Variants in SHC2 observed in about 807,000 individuals in gnomAD.
SHC2 encodes the protein SHC-transforming protein 2.
Under a neutral mutation model 60.6 loss-of-function variants are expected in SHC2, and 62 were observed. The observed-to-expected ratio is 1.02, with a 90% CI of 0.83 to 1.26. The LOEUF (loss-of-function observed/expected upper bound fraction) is 1.26. Ranked by LOEUF, SHC2 falls within the 50% of genes most tolerant of loss-of-function variation. The pLI, the probability that SHC2 is intolerant of heterozygous loss-of-function variation, is 0.00. For synonymous variants in SHC2, 375 were observed against 372.4 expected, an observed-to-expected ratio of 1.01 and a Z score of -0.08; for missense variants, 873 against 822.2, an observed-to-expected ratio of 1.06 and a Z score of -0.76.
Position 434,784 on chromosome 19 carries a change from C to T in SHC2, c.1035G>A (p.Lys345=). 6.2e-7 allele frequency: 1 copy of T among 1,612,878 alleles called. No individual in the cohort carries two copies. Residue 345 remains lysine (K), a synonymous_variant, in exon 8 of 13, where the codon AAG becomes AAA. Coordinates refer to ENST00000264554, the MANE Select transcript of SHC2 (RefSeq NM_012435.3). ...EHNYYNSIPG[K]EPPLGGLVDS... ...CCACTAGCCCGCCCAGCGGCGGCTC[C>T]TTCCCCGGGATGCTGTTGTAGTAAT...
In SHC2 at chr19:446,948, G is replaced by A. The variant is rs368808448; in HGVS notation, c.469-6016C>T. ...TCCGCCACCGCCCACGCCAGCCACC[G>A]GGACCCACCTCATAGGCTTTGCCAT... On this transcript the variant is annotated intron_variant, in intron 1 of 12. Transcript: ENST00000264554. The surrounding 1 kb of genome is among the most constrained non-coding windows in gnomAD (Gnocchi z 5.4). Among the ~76,000 whole-genome samples the A allele has an allele frequency of 6.6e-5, 10 of 152,162 alleles. No individual in the cohort carries two copies. Among genetic ancestry groups the A allele is most frequent in the African/African-American group, 1.9e-4 (8 of 41,436 alleles).
intron 1 of SHC2, among the ~76,000 whole-genome samples, chr19:443,914 G>GTGGA (rs1203952277): frequency 5.7e-5 from 8 of 139,700 alleles, no homozygotes; most frequent in Non-Finnish European, 1.2e-4. Flanking sequence ...GGATGGGTGG[G>GTGGA]TGGATGGATG....
chr19:428,736 G>T lies in SHC2; in HGVS notation c.1174+1948C>A, dbSNP rs1362453992. Among the ~76,000 whole-genome samples, 3 of 152,316 alleles carry T rather than the reference G, an allele frequency of 2.0e-5. No homozygotes were observed. The East Asian group carries it at 5.8e-4, about 29-fold the overall frequency. ...TAAACTCCATGATGTTTTGAACCATGTGGACGAATGCAGTACCTATATCCA... is the reference window on the plus strand; with the variant it reads ...TAAACTCCATGATGTTTTGAACCATTTGGACGAATGCAGTACCTATATCCA... On this transcript the variant is annotated intron_variant, in intron 9 of 12. Coordinates refer to ENST00000264554, the MANE Select transcript of SHC2 (RefSeq NM_012435.3).
In SHC2 at chr19:430,681, T is replaced by C; in HGVS notation, c.1174+3A>G. 1 of 1,612,698 alleles carries C rather than the reference T, an allele frequency of 6.2e-7. No individual in the cohort carries two copies. The highest frequency in any genetic ancestry group is 8.5e-7 in the Non-Finnish European group (1 of 1,179,666). On this transcript the variant is annotated splice_donor_region_variant and intron_variant, in intron 9 of 12. Transcript: ENST00000264554. Reference sequence around the variant, plus strand: ...TACCCCTTGCAGCCCCAGCCCATCCTACCTGTACCGGTGGACCCCACGTCC... The same window carrying C: ...TACCCCTTGCAGCCCCAGCCCATCCCACCTGTACCGGTGGACCCCACGTCC...
chr19:447,952 A>G (rs1298867592), intron 1 of SHC2, among the ~76,000 whole-genome samples: 3 of 152,236 alleles, frequency 2.0e-5, no homozygotes, highest in African/African-American at 7.2e-5. Flanking sequence ...GCTGGGAGCC[A>G]GGATGTCTGC....
chr19:431,034 T>C (rs892948721), intron 8 of SHC2, among the ~76,000 whole-genome samples: 7 of 152,184 alleles, frequency 4.6e-5, no homozygotes, highest in Non-Finnish European at 1.0e-4. Context: ...CCCGCTCTGC[T>C]CTCCCAGGCA....
chr19:443,388 G>A (rs572068027), intron 1 of SHC2, among the ~76,000 whole-genome samples: 44 of 149,964 alleles, frequency 2.9e-4, no homozygotes, highest in African/African-American at 1.0e-3. Context: ...ATGGGTGGGT[G>A]GATGAATGGA....
chr19:447,066 G>T (rs1357273535), intron 1 of SHC2, among the ~76,000 whole-genome samples: 1 of 152,216 alleles, frequency 6.6e-6, no homozygotes, highest in Non-Finnish European at 1.5e-5. Context: ...GAAATTGCAG[G>T]AAACAACTAA....
intron 1 of SHC2, among the ~76,000 whole-genome samples, chr19:447,930 G>A (rs923529570): frequency 4.6e-5 from 7 of 152,244 alleles, no homozygotes; most frequent in African/African-American, 1.2e-4. Flanking sequence ...AGTGCGTGAA[G>A]GTTTGCTGGG....
At position 445,326 on chromosome 19, in the gene SHC2, C is replaced by G. The variant is rs531333911; in HGVS notation, c.469-4394G>C. 6.6e-6 allele frequency among the ~76,000 whole-genome samples: 1 copy of G among 152,306 alleles called. No individual in the cohort carries two copies. Among genetic ancestry groups the G allele is most frequent in the East Asian group, 1.9e-4 (1 of 5,180 alleles). On this transcript the variant is annotated intron_variant, in intron 1 of 12. Transcript: ENST00000264554. This position sits in a 1 kb window ranked among gnomAD's most constrained non-coding sequence, Gnocchi z 4.4. ...AAAAGAGACCCCAGACAGAGCCCAG[C>G]CCTCCACCACGTGAGGACACAGGAG...
intron 1 of SHC2, among the ~76,000 whole-genome samples, chr19:457,444 C>T (rs1366734541): frequency 7.3e-6 from 1 of 137,106 alleles, no homozygotes; most frequent in East Asian, 2.2e-4. Flanking sequence ...TTCAAGGTCG[C>T]CTCCTGGGAG....
chr19:447,186 G>A (rs929276757), intron 1 of SHC2, among the ~76,000 whole-genome samples: 2 of 152,192 alleles, frequency 1.3e-5, no homozygotes, highest in Non-Finnish European at 2.9e-5. Context: ...TGGCACGGAC[G>A]CACCGTGAGG....
chr19:460,048 C>T (rs2145768288), intron 1 of SHC2, among the ~76,000 whole-genome samples: 1 of 152,360 alleles, frequency 6.6e-6, no homozygotes, highest in Non-Finnish European at 1.5e-5. Context: ...AAGGCCGCTT[C>T]CTTGGCCGCC....
chr19:422,346 G>A lies in SHC2; in HGVS notation c.1420C>T (p.Pro474Ser). 1 of 1,607,830 alleles carries A rather than the reference G, an allele frequency of 6.2e-7. No homozygotes were observed. Among genetic ancestry groups the A allele is most frequent in the Non-Finnish European group, 8.5e-7 (1 of 1,177,800 alleles). The change falls in exon 11 of 13, where the codon CCT (proline) becomes TCT (serine). Residue 474 changes from proline to serine, a missense_variant. Pro to Ser is a moderately conservative substitution (Grantham distance 74, BLOSUM62 -1). Transcript: ENST00000264554. The surrounding 1 kb of genome is among the most constrained non-coding windows in gnomAD (Gnocchi z 5.0). ...AGCTGTTCCTCCGTGGGGGCCACAG[G>A]GGCCCGGCGGGTAGGGGGGCTGGGC... ...QWPSPPTRRA[P>S]VAPTEEQLRQ...
At chr19:436,704 C>G (rs759532990) in intron 4 of SHC2, 21 bp from the exon 5 acceptor site, 8 of 1,598,776 alleles carry the variant, frequency 5.0e-6, no homozygotes, top group Non-Finnish European at 5.9e-6. Context: ...AGGAGGCACA[C>G]GCGGTCATGG....
chr19:459,300 C>A, intron 1 of SHC2, among the ~76,000 whole-genome samples: 1 of 137,828 alleles, frequency 7.3e-6, no homozygotes, highest in Non-Finnish European at 1.6e-5. Context: ...CTGAAGCCAG[C>A]GTAGGGGGAA....
At position 422,049 on chromosome 19, in the gene SHC2, G is replaced by A. The variant is rs1255128306; in HGVS notation, c.1620+97C>T. On this transcript the variant is annotated intron_variant, in intron 11 of 12. Coordinates refer to ENST00000264554, the MANE Select transcript of SHC2 (RefSeq NM_012435.3). The surrounding 1 kb of genome is among the most constrained non-coding windows in gnomAD (Gnocchi z 5.0). The stretch of plus-strand genomic sequence containing the variant: ...CGAGACCCTTGAGACCCTCCCACCT[G>A]TGCCCAGCGAAGCCCCTGGATGCCC... 1 of 501,210 alleles carries A rather than the reference G, an allele frequency of 2.0e-6. No homozygotes were observed. The highest frequency in any genetic ancestry group is 3.8e-4 in the East Asian group (1 of 2,660). The allele number at this position is 501,210 out of a possible 1,614,324, so 31.0% of individuals were successfully genotyped here.
intron 11 of SHC2, chr19:419,345 C>G (rs1259300189): frequency 2.7e-6 from 1 of 374,132 alleles, no homozygotes; most frequent in African/African-American, 2.1e-5. Context: ...AGCCTGTGAA[C>G]GTGACCTCAT....
chr19:460,578 A>G lies in SHC2; in HGVS notation c.419T>C (p.Leu140Pro). Reference protein sequence around the residue: ...SFIHKPAHGWLHPDARVLGPG... With the variant: ...SFIHKPAHGWPHPDARVLGPG... ...CCCCAGGACCCTGGCGTCGGGGTGT[A>G]GCCAGCCGTGCGCGGGTTTGTGGAT... The change falls in exon 1 of 13, where the codon CTA becomes CCA. Residue 140 changes from leucine (L) to proline (P), a missense_variant. Leu to Pro is a moderately conservative substitution (Grantham distance 98). Transcript: ENST00000264554. 1.4e-6 allele frequency: 2 copies of G among 1,414,374 alleles called. No homozygotes were observed. Among genetic ancestry groups the G allele is most frequent in the Non-Finnish European group, 9.3e-7 (1 of 1,077,290 alleles). 87.6% of individuals were successfully genotyped at this position (1,414,374 alleles called of 1,614,324 possible).
Sources: allele counts gnomAD v4.1 joint callset (sites outside exome capture counted in the v4.1 genomes callset), GRCh38; gene constraint gnomAD v4.1.1; non-coding constraint Gnocchi (gnomAD v3.1); transcripts MANE v1.5; gene names NCBI Gene and HGNC (gene_info 2026-07-23, HGNC 2026-07-21).